C10orf67: variants seen among roughly 807,000 people sequenced by gnomAD.
C10orf67 encodes the protein chromosome 10 open reading frame 67, also known as uncharacterized protein C10orf67, mitochondrial.
C10orf67 carries 60 observed loss-of-function variants against 35.6 expected under a neutral mutation model. That is an observed-to-expected ratio of 1.68 (90% CI 1.37 to 2.09). The LOEUF (loss-of-function observed/expected upper bound fraction) is 2.09, where lower values mean the gene tolerates loss of function less well. Among genes scored for constraint, C10orf67 ranks in the 30% most tolerant of loss-of-function variants. The pLI is 0.00. For missense variants in C10orf67, 474 were observed against 330.2 expected (o/e 1.44, Z -3.38); for synonymous variants, 167 against 115.8 (o/e 1.44, Z -2.84).
chr10:23,296,916 T>G (rs933995627), intron 5 of C10orf67, among the ~76,000 whole-genome samples: 1 of 152,236 alleles, frequency 6.6e-6, no homozygotes, highest in Non-Finnish European at 1.5e-5. Flanking sequence ...CCTGGTCCAG[T>G]AAATAATAAT....
chr10:23,265,479 G>A (rs554448177), intron 10 of C10orf67, among the ~76,000 whole-genome samples: 128 of 152,326 alleles, frequency 8.4e-4, no homozygotes, highest in African/African-American at 3.0e-3. Flanking sequence ...TGTGAAGCAC[G>A]ACATTGGCCA....
rs541710007 is a variant in C10orf67 at position 23,259,870 on chromosome 10, GA to G, written c.1200+6391del. Among the ~76,000 whole-genome samples the G allele has an allele frequency of 6.2e-4, 94 of 152,088 alleles. 1 individual carries two copies. The South Asian group carries it at 6.8e-3, about 11-fold the overall frequency. ...TAAAAAAAAGACAACTCTCCAAACT[GA>G]AACAAAGAAAAAAAGTAGTTCAAAC... On this transcript the variant is annotated intron_variant, in intron 10 of 15. Transcript: ENST00000636213.
At chr10:23,292,503 C>T (rs1843751998) in intron 5 of C10orf67, among the ~76,000 whole-genome samples, 1 of 152,074 alleles carries the variant, frequency 6.6e-6, no homozygotes, top group African/African-American at 2.4e-5. Flanking sequence ...ATGGCAATAA[C>T]TAAAAATAAA....
chr10:23,255,967 C>T (rs1388006372), intron 10 of C10orf67, among the ~76,000 whole-genome samples: 1 of 152,122 alleles, frequency 6.6e-6, no homozygotes, highest in African/African-American at 2.4e-5. Flanking sequence ...GGCATTTCCT[C>T]ATTGAGCAAA....
intron 8 of C10orf67, among the ~76,000 whole-genome samples, chr10:23,268,094 C>T (rs1842928779): frequency 2.0e-5 from 3 of 151,910 alleles, no homozygotes; most frequent in Admixed American, 2.0e-4. Context: ...TCAAGACCAG[C>T]CTGAGCAACA....
At chr10:23,238,481 G>T (rs1459732095) in intron 13 of C10orf67, among the ~76,000 whole-genome samples, 1 of 152,208 alleles carries the variant, frequency 6.6e-6, no homozygotes, top group Non-Finnish European at 1.5e-5. Flanking sequence ...AAGGTGAATT[G>T]CATGGCCACT....
intron 10 of C10orf67, among the ~76,000 whole-genome samples, chr10:23,260,815 C>A (rs575903962): frequency 6.6e-6 from 1 of 152,280 alleles, no homozygotes; most frequent in South Asian, 2.1e-4. Context: ...TATTACTTTC[C>A]TAATGTTTGC....
chr10:23,236,247 T>TC (rs1381260354), intron 13 of C10orf67, among the ~76,000 whole-genome samples: 4 of 86,386 alleles, frequency 4.6e-5, no homozygotes, highest in Admixed American at 1.6e-4. Context: ...AGACTCCCTC[T>TC]CGGGGGAAAA....
At chr10:23,282,117 G>T in intron 7 of C10orf67, 39 bp from the exon 8 acceptor site, 1 of 482,416 alleles carries the variant, frequency 2.1e-6, no homozygotes, top group South Asian at 4.0e-5. Context: ...TTAAAGATAA[G>T]AACAGAACAC....
intron 8 of C10orf67, among the ~76,000 whole-genome samples, chr10:23,274,249 C>A (rs943474465): frequency 6.6e-6 from 1 of 152,166 alleles, no homozygotes; most frequent in African/African-American, 2.4e-5. Context: ...TGGGCACACA[C>A]TGTCTTGATA....
chr10:23,313,402 C>G (rs1275324298), intron 4 of C10orf67, among the ~76,000 whole-genome samples: 4 of 152,186 alleles, frequency 2.6e-5, no homozygotes, highest in African/African-American at 9.6e-5. Context: ...AATTCATGAT[C>G]TATTTCCAGT....
chr10:23,234,769 CT>C (rs1405158879), intron 13 of C10orf67, among the ~76,000 whole-genome samples: 12 of 150,626 alleles, frequency 8.0e-5, no homozygotes, highest in African/African-American at 2.9e-4. Flanking sequence ...AATCCCAGCA[CT>C]TTGGGGGGCT....
At chr10:23,280,437 C>T (rs1390594573) in intron 8 of C10orf67, among the ~76,000 whole-genome samples, 1 of 152,192 alleles carries the variant, frequency 6.6e-6, no homozygotes, top group Non-Finnish European at 1.5e-5. Context: ...GGCCAGGCTG[C>T]CTCCAAGTGA....
At chr10:23,256,781 G>A (rs901173828) in intron 10 of C10orf67, among the ~76,000 whole-genome samples, 1 of 152,128 alleles carries the variant, frequency 6.6e-6, no homozygotes, top group African/African-American at 2.4e-5. Flanking sequence ...GACTTGAGGA[G>A]GGGATCAGCA....
rs184426404 is a variant in C10orf67, at chr10:23,328,841, C to G, written c.327+4221G>C. ...TCTACAAAAAATTGTAAAAATTAGCCAGGTGTGGTGGCATGTGCCTGTAGT... is the reference window on the plus strand; with the variant it reads ...TCTACAAAAAATTGTAAAAATTAGCGAGGTGTGGTGGCATGTGCCTGTAGT... On this transcript the variant is annotated intron_variant, in intron 2 of 15. Transcript: ENST00000636213. Among the ~76,000 whole-genome samples the G allele has an allele frequency of 2.2e-3, 338 of 150,720 alleles. 3 individuals are homozygous for G. The highest frequency in any genetic ancestry group is 7.8e-3 in the African/African-American group (321 of 41,152).
chr10:23,299,455 T>C (rs1843998786), intron 5 of C10orf67, among the ~76,000 whole-genome samples: 1 of 152,134 alleles, frequency 6.6e-6, no homozygotes. Context: ...GGACAACAAA[T>C]GGGGTGTTCC....
intron 13 of C10orf67, among the ~76,000 whole-genome samples, chr10:23,236,253 GAAAAAAAAAAA>G (rs368833212): frequency 8.3e-4 from 63 of 75,800 alleles, no homozygotes; most frequent in African/African-American, 3.5e-3. Flanking sequence ...CCTCTCGGGG[GAAAAAAAAAAA>G]AAAAAAAAAA....
chr10:23,215,876 G>C (rs1295791689), intron 15 of C10orf67, among the ~76,000 whole-genome samples: 1 of 152,160 alleles, frequency 6.6e-6, no homozygotes, highest in Non-Finnish European at 1.5e-5. Flanking sequence ...CAGGTAAAGG[G>C]GGAAAACCAG....
At chr10:23,332,423 C>T (rs540823333) in intron 2 of C10orf67, among the ~76,000 whole-genome samples, 2 of 152,278 alleles carry the variant, frequency 1.3e-5, no homozygotes, top group African/African-American at 4.8e-5. Flanking sequence ...TGGCTCACAC[C>T]TGTAATCTCA....
Sources: gnomAD v4.1 joint callset for allele counts (sites outside exome capture counted in the v4.1 genomes callset) on GRCh38, gnomAD v4.1.1 for gene constraint, MANE v1.5 for transcripts, NCBI Gene and HGNC (gene_info 2026-07-23, HGNC 2026-07-21) for gene names.